The following CTNNA2 variants were observed in gnomAD, a reference collection of about 807,000 sequenced individuals.
CTNNA2 encodes catenin alpha 2.
In CTNNA2, 42 loss-of-function variants were observed where a neutral mutation model predicts 101.0. The observed-to-expected ratio is 0.42, with a 90% CI of 0.32 to 0.54. The LOEUF (loss-of-function observed/expected upper bound fraction) is 0.54, where lower values mean the gene tolerates loss of function less well. Ranked by LOEUF, CTNNA2 falls within the 20% of genes least tolerant of loss-of-function variation. The pLI is 0.14. For synonymous variants in CTNNA2, 450 were observed against 456.4 expected (o/e 0.99, Z 0.18); for missense variants, 871 against 1,223.1 (o/e 0.71, Z 4.29).
At chr2:79,541,427 C>CAT (rs9284785) in intron 1 of CTNNA2, among the ~76,000 whole-genome samples, 2,735 of 142,468 alleles carry the variant, frequency 0.019, 40 homozygotes, top group East Asian at 0.058. Context: ...CGCACACACA[C>CAT]ATATATATAT....
intron 4 of CTNNA2, among the ~76,000 whole-genome samples, chr2:79,378,242 T>C (rs1397886801): frequency 6.6e-6 from 1 of 152,170 alleles, no homozygotes; most frequent in East Asian, 1.9e-4. Flanking sequence ...CAAATGTACA[T>C]GTCTTTGACA....
chr2:79,467,720 AT>A (rs1488428269), intron 4 of CTNNA2, among the ~76,000 whole-genome samples: 1 of 152,222 alleles, frequency 6.6e-6, no homozygotes, highest in Non-Finnish European at 1.5e-5. Flanking sequence ...AGGGGCCAAT[AT>A]TCAACATTCT....
chr2:80,096,715 G>T (rs1270350995), intron 7 of CTNNA2, among the ~76,000 whole-genome samples: 1 of 152,142 alleles, frequency 6.6e-6, no homozygotes, highest in South Asian at 2.1e-4. Flanking sequence ...ATATATTTAG[G>T]ATAGTGAGCT....
intron 2 of CTNNA2, among the ~76,000 whole-genome samples, chr2:79,658,898 A>T (rs1019087475): frequency 2.6e-5 from 4 of 152,104 alleles, no homozygotes; most frequent in Non-Finnish European, 5.9e-5. Flanking sequence ...TAGTTGAACC[A>T]TTTTAAATTT....
At chr2:80,333,467 G>T (rs1382629813) in intron 7 of CTNNA2, among the ~76,000 whole-genome samples, 2 of 152,162 alleles carry the variant, frequency 1.3e-5, no homozygotes, top group African/African-American at 4.8e-5. Context: ...TAAGAGATAT[G>T]CATGATCAAA....
At chr2:79,930,765 C>T (rs935016050) in intron 7 of CTNNA2, among the ~76,000 whole-genome samples, 1 of 152,174 alleles carries the variant, frequency 6.6e-6, no homozygotes, top group Non-Finnish European at 1.5e-5. Context: ...GAGGTCAACT[C>T]TAGTATGATT....
intron 7 of CTNNA2, among the ~76,000 whole-genome samples, chr2:80,098,760 G>A (rs926739276): frequency 1.6e-4 from 25 of 152,202 alleles, no homozygotes; most frequent in Admixed American, 3.3e-4. Context: ...TCAGACTGCT[G>A]TGCTAGCAAT....
At chr2:79,468,125 A>G (rs1670959043) in intron 4 of CTNNA2, among the ~76,000 whole-genome samples, 1 of 152,214 alleles carries the variant, frequency 6.6e-6, no homozygotes, top group Admixed American at 6.5e-5. Flanking sequence ...TGCTGTATTC[A>G]GGAGACCCAT....
intron 11 of CTNNA2, among the ~76,000 whole-genome samples, chr2:80,552,820 A>G (rs2149651574): frequency 6.6e-6 from 1 of 152,332 alleles, no homozygotes; most frequent in South Asian, 2.1e-4. Context: ...TAAAAATATG[A>G]CATAATCTTA....
At chr2:80,356,151 C>T (rs1023704646) in intron 7 of CTNNA2, among the ~76,000 whole-genome samples, 1 of 152,098 alleles carries the variant, frequency 6.6e-6, no homozygotes, top group Non-Finnish European at 1.5e-5. Context: ...CCTGCTGGGC[C>T]TGATTTTCTT....
chr2:80,296,186 TA>T (rs1472955088), intron 7 of CTNNA2, among the ~76,000 whole-genome samples: 1 of 152,202 alleles, frequency 6.6e-6, no homozygotes, highest in Non-Finnish European at 1.5e-5. Context: ...CTCAAGCATT[TA>T]TTTTTTTAGC....
chr2:80,076,466 A>T (rs1698759291), intron 7 of CTNNA2, among the ~76,000 whole-genome samples: 1 of 151,728 alleles, frequency 6.6e-6, no homozygotes, highest in African/African-American at 2.4e-5. Flanking sequence ...TTTATTTTGT[A>T]AAACAGAGAT....
chr2:79,444,504 G>C (rs1398232963), intron 4 of CTNNA2, among the ~76,000 whole-genome samples: 1 of 152,042 alleles, frequency 6.6e-6, no homozygotes, highest in African/African-American at 2.4e-5. Flanking sequence ...CCCTCCCCTT[G>C]GATAATCACT....
chr2:79,629,576 A>G (rs1181377472), intron 1 of CTNNA2, among the ~76,000 whole-genome samples: 2 of 152,154 alleles, frequency 1.3e-5, no homozygotes, highest in Non-Finnish European at 2.9e-5. Flanking sequence ...AGCAAAGGAA[A>G]GGTCAGACAG....
chr2:79,381,480 A>T (rs1047905641), intron 4 of CTNNA2, among the ~76,000 whole-genome samples: 1 of 152,236 alleles, frequency 6.6e-6, no homozygotes, highest in Non-Finnish European at 1.5e-5. Flanking sequence ...AAAACTATCA[A>T]GTCAACTTTA....
chr2:79,760,853 C>T (rs1672740998), intron 3 of CTNNA2, among the ~76,000 whole-genome samples: 2 of 152,166 alleles, frequency 1.3e-5, no homozygotes, highest in South Asian at 4.1e-4. Flanking sequence ...TCCTGGAAAA[C>T]CCTTGTCCTA....
chr2:80,518,134 A>C (rs1689246774), intron 9 of CTNNA2, among the ~76,000 whole-genome samples: 1 of 152,216 alleles, frequency 6.6e-6, no homozygotes, highest in African/African-American at 2.4e-5. Flanking sequence ...TGATTTGACA[A>C]TTTGAAATCT....
rs1481826004 is a variant in CTNNA2 at position 80,204,175 on chromosome 2, G to A, written c.1057-189036G>A. On this transcript the variant is annotated intron_variant, in intron 7 of 18. Coordinates refer to ENST00000402739, the MANE Select transcript of CTNNA2 (RefSeq NM_001282597.3). ...GGGCTGCCGCAAAGTTCTCTAACAT[G>A]CCCTGGAGATATTTTCCCCATTCTC... 2.0e-5 allele frequency among the ~76,000 whole-genome samples: 3 copies of A among 152,292 alleles called. No homozygotes were observed. In the East Asian group the frequency reaches 5.8e-4, roughly 29 times the overall value.
chr2:79,619,353 A>G (rs971017652), intron 1 of CTNNA2, among the ~76,000 whole-genome samples: 2 of 152,252 alleles, frequency 1.3e-5, no homozygotes, highest in African/African-American at 4.8e-5. Context: ...ATTGAGTATT[A>G]GCTCCAGCTG....
Sources: gnomAD v4.1 joint callset for allele counts (sites outside exome capture counted in the v4.1 genomes callset) on GRCh38, gnomAD v4.1.1 for gene constraint, MANE v1.5 for transcripts, NCBI Gene and HGNC (gene_info 2026-07-23, HGNC 2026-07-21) for gene names.